Variants in OSBPL5 observed in about 807,000 individuals in gnomAD.
OSBPL5 encodes the protein oxysterol binding protein like 5.
A neutral mutation model predicts 111.2 loss-of-function variants in OSBPL5; 71 were observed. The ratio of observed to expected loss-of-function variants is 0.64; its 90% confidence interval spans 0.53 to 0.78. OSBPL5 has a LOEUF of 0.78. Ranked by LOEUF, OSBPL5 falls within the 30% of genes least tolerant of loss-of-function variation. OSBPL5 has a pLI of 0.00. For synonymous variants in OSBPL5, 549 were observed against 513.9 expected (o/e 1.07, Z -0.93); for missense variants, 1,210 against 1,189.3 (o/e 1.02, Z -0.26).
chr11:3,161,102 A>T lies in OSBPL5; in HGVS notation c.-22+4114T>A, dbSNP rs943885507. On this transcript the variant is annotated intron_variant, in intron 1 of 21. Transcript: ENST00000263650. This position sits in a 1 kb window ranked among gnomAD's most constrained non-coding sequence, Gnocchi z 8.0. Reference sequence around the variant, plus strand: ...GACCAGCTGCCTGCCGAGGTGGGGTATCCCTCAAATCTCCTCCCTGTTTTC... The same window carrying T: ...GACCAGCTGCCTGCCGAGGTGGGGTTTCCCTCAAATCTCCTCCCTGTTTTC... 1 of 152,214 alleles carries T rather than the reference A, an allele frequency of 6.6e-6. No homozygotes were observed. Among genetic ancestry groups the T allele is most frequent in the African/African-American group, 2.4e-5 (1 of 41,456 alleles). 9.4% of individuals were successfully genotyped at this position (152,214 alleles called of 1,614,324 possible). A position where few individuals can be genotyped will look rare whatever the true frequency, so the allele number is the denominator to read the frequency against.
Position 3,122,267 on chromosome 11 carries a change from G to A in OSBPL5, c.300+81C>T, listed in dbSNP as rs1406131713. On this transcript the variant is annotated intron_variant, in intron 4 of 21. Transcript: ENST00000263650. Reference sequence around the variant, plus strand: ...GCGGTTTGTCCCCTCCTTTTGACAGGTGGGGAGGGTGACCTCCCTGGCTCA... The same window carrying A: ...GCGGTTTGTCCCCTCCTTTTGACAGATGGGGAGGGTGACCTCCCTGGCTCA... The A allele has an allele frequency of 7.5e-6, 11 of 1,468,540 alleles. No homozygotes were observed. In the South Asian group the frequency reaches 9.9e-5, roughly 13 times the overall value. 91.0% of individuals were successfully genotyped at this position (1,468,540 alleles called of 1,614,324 possible).
intron 14 of OSBPL5, among the ~76,000 whole-genome samples, chr11:3,097,028 A>AGGAGAG (rs1564824637): frequency 2.0e-3 from 141 of 71,298 alleles, no homozygotes; most frequent in African/African-American, 2.4e-3. Context: ...GAGGGGGAGG[A>AGGAGAG]GAGGAAAGAG....
At chr11:3,147,567 G>A (rs1341869674) in intron 1 of OSBPL5, among the ~76,000 whole-genome samples, 3 of 152,262 alleles carry the variant, frequency 2.0e-5, no homozygotes, top group Non-Finnish European at 4.4e-5. Context: ...CCGGAGTGCC[G>A]TTTGTGAACT....
intron 13 of OSBPL5, 35 bp downstream of exon 13, chr11:3,101,568 G>A: frequency 6.3e-7 from 1 of 1,575,964 alleles, no homozygotes; most frequent in Non-Finnish European, 8.7e-7. Context: ...GCATTTCCCT[G>A]AGGCCCCAGG....
Position 3,102,176 on chromosome 11 carries a change from C to T in OSBPL5, c.1425+7G>A, listed in dbSNP as rs1464716787. 7.6e-6 allele frequency: 12 copies of T among 1,589,210 alleles called. No homozygotes were observed. The highest frequency in any genetic ancestry group is 1.0e-5 in the Non-Finnish European group (12 of 1,168,476). On this transcript the variant is annotated splice_region_variant and intron_variant, in intron 12 of 21. Coordinates refer to ENST00000263650, the MANE Select transcript of OSBPL5 (RefSeq NM_020896.4). ...ACCCAGGCCGGTTGCAGCAGAGGTG[C>T]TCTTGCCTGCTCTGCTATGTAGAAT...
Position 3,104,260 on chromosome 11 carries a change from C to G in OSBPL5, c.1177G>C (p.Val393Leu), listed in dbSNP as rs573910214. The change falls in exon 10 of 22, where the codon GTA becomes CTA. Residue 393 changes from valine to leucine, a missense_variant. By Grantham distance (32) the Val-to-Leu change is conservative (BLOSUM62 1). Coordinates refer to ENST00000263650, the MANE Select transcript of OSBPL5 (RefSeq NM_020896.4). The surrounding 1 kb of genome is among the most constrained non-coding windows in gnomAD (Gnocchi z 5.0). ...DLSRVVLPTF[V>L]LEPRSFLNKL... ...TTCAGGAAGGAGCGCGGCTCCAGTA[C>G]GAACGTGGGTAGCACCACGCGGGAC... is the stretch of plus-strand genomic sequence containing the variant. 1 of 1,613,618 alleles carries G rather than the reference C, an allele frequency of 6.2e-7. No homozygotes were observed. The highest frequency in any genetic ancestry group is 1.7e-5 in the Admixed American group (1 of 60,000).
At chr11:3,120,847 G>C (rs138067175) in intron 5 of OSBPL5, among the ~76,000 whole-genome samples, 1 of 152,222 alleles carries the variant, frequency 6.6e-6, no homozygotes, top group Non-Finnish European at 1.5e-5. Flanking sequence ...GCCAAGCCAC[G>C]GCAAGCGGTG....
chr11:3,100,392 G>T, intron 13 of OSBPL5, 136 bp from the exon 14 acceptor site: 1 of 706,872 alleles, frequency 1.4e-6, no homozygotes, highest in Non-Finnish European at 2.5e-6. Flanking sequence ...GTGTCTGTGC[G>T]TGAGTCACTT....
intron 7 of OSBPL5, among the ~76,000 whole-genome samples, chr11:3,119,013 T>A (rs1212593742): frequency 2.0e-5 from 3 of 150,980 alleles, no homozygotes; most frequent in African/African-American, 4.9e-5. Flanking sequence ...ACAGGTGGTT[T>A]TTTTTTTTTC....
At chr11:3,131,592 CAT>C (rs1858843199) in intron 1 of OSBPL5, among the ~76,000 whole-genome samples, 1 of 5,928 alleles carries the variant, frequency 1.7e-4, no homozygotes, top group Non-Finnish European at 4.8e-4. Flanking sequence ...TCCACCCATT[CAT>C]CCATCCATCC....
At chr11:3,157,004 C>G (rs973027901) in intron 1 of OSBPL5, among the ~76,000 whole-genome samples, 1 of 152,270 alleles carries the variant, frequency 6.6e-6, no homozygotes, top group Non-Finnish European at 1.5e-5. Context: ...CAAGGTCAGA[C>G]GGGCCACTCC....
chr11:3,120,801 G>A (rs1858382552), intron 5 of OSBPL5, among the ~76,000 whole-genome samples, 177 bp from the exon 6 acceptor site: 1 of 152,186 alleles, frequency 6.6e-6, no homozygotes, highest in African/African-American at 2.4e-5. Flanking sequence ...CACTCCCTGG[G>A]GTGATGTCCT....
In OSBPL5 at chr11:3,104,158, G is replaced by A. The variant is rs746402191; in HGVS notation, c.1244+35C>T. On this transcript the variant is annotated intron_variant, in intron 10 of 21. Transcript: ENST00000263650. The surrounding 1 kb of genome is among the most constrained non-coding windows in gnomAD (Gnocchi z 5.0). ...GCAGGGTCTCATGCAGATGCAGGAC[G>A]AGGTGTGGGGTGCCCCTCCCGGCAT... 16 of 1,577,946 alleles carry A rather than the reference G, an allele frequency of 1.0e-5. No homozygotes were observed. Among genetic ancestry groups the A allele is most frequent in the Non-Finnish European group, 1.4e-5 (16 of 1,156,584 alleles).
chr11:3,104,438 G>A lies in OSBPL5; in HGVS notation c.1060-61C>T, dbSNP rs577815632. The A allele has an allele frequency of 7.7e-6, 12 of 1,565,632 alleles. No homozygotes were observed. In the East Asian group the frequency reaches 1.1e-4, roughly 15 times the overall value. ...AAGAGCCGGGAGGAAGGGGTGGCGG[G>A]ACAGTGGCAGCTCTGGCTGGAGGAG... On this transcript the variant is annotated intron_variant, in intron 9 of 21. Coordinates refer to ENST00000263650, the MANE Select transcript of OSBPL5 (RefSeq NM_020896.4). The surrounding 1 kb of genome is among the most constrained non-coding windows in gnomAD (Gnocchi z 5.0).
chr11:3,140,951 G>A lies in OSBPL5; in HGVS notation c.-21-11782C>T, dbSNP rs1459011789. 1.3e-5 allele frequency among the ~76,000 whole-genome samples: 2 copies of A among 150,348 alleles called. No homozygotes were observed. Among genetic ancestry groups the A allele is most frequent in the Admixed American group, 1.3e-4 (2 of 15,140 alleles). ...ACCACCTCAGAGCCACTCCTTCCCC[G>A]ATGCCATCTGTCAAGGGTCAGGGGT... On this transcript the variant is annotated intron_variant, in intron 1 of 21. Transcript: ENST00000263650. This position sits in a 1 kb window ranked among gnomAD's most constrained non-coding sequence, Gnocchi z 4.5.
Position 3,154,077 on chromosome 11 carries a change from G to T in OSBPL5, c.-22+11139C>A, listed in dbSNP as rs140161650. ...CCGGGAAACACATGGCATTCAAACC[G>T]CCGCTGGTGTGTGGCCCCTTATCCA... On this transcript the variant is annotated intron_variant, in intron 1 of 21. Transcript: ENST00000263650. The surrounding 1 kb of genome is among the most constrained non-coding windows in gnomAD (Gnocchi z 4.9). Among the ~76,000 whole-genome samples the T allele has an allele frequency of 1.3e-5, 2 of 152,226 alleles. No homozygotes were observed. The highest frequency in any genetic ancestry group is 2.9e-5 in the Non-Finnish European group (2 of 68,040).
rs1488808156 is a variant in OSBPL5, at chr11:3,107,306, C to A, written c.1016G>T (p.Arg339Ile). 6.2e-7 allele frequency: 1 copy of A among 1,613,746 alleles called. No homozygotes were observed. Among genetic ancestry groups the A allele is most frequent in the Non-Finnish European group, 8.5e-7 (1 of 1,179,960 alleles). The change falls in exon 9 of 22, where the codon AGA becomes ATA. Residue 339 changes from arginine to isoleucine, a missense_variant. Transcript: ENST00000263650. This position sits in a 1 kb window ranked among gnomAD's most constrained non-coding sequence, Gnocchi z 6.1. The part of the protein sequence containing the change: ...QSETPGAPVR[R>I]GTTYVEQVQE... ...GACCTGCTCCACATAGGTGGTCCCT[C>A]TCCGCACCGGGGCCCCAGGGGTCTC...
intron 7 of OSBPL5, among the ~76,000 whole-genome samples, chr11:3,108,832 G>A (rs978940825): frequency 7.7e-4 from 117 of 152,172 alleles, no homozygotes; most frequent in African/African-American, 2.4e-3. Context: ...ACAATGGCAC[G>A]ATCTCAGCTC....
At position 3,121,815 on chromosome 11, in the gene OSBPL5, A is replaced by C; in HGVS notation, c.402+182T>G. On this transcript the variant is annotated intron_variant, in intron 5 of 21. Coordinates refer to ENST00000263650, the MANE Select transcript of OSBPL5 (RefSeq NM_020896.4). This position sits in a 1 kb window ranked among gnomAD's most constrained non-coding sequence, Gnocchi z 4.3. The stretch of plus-strand genomic sequence containing the variant: ...TTCCTACCACTGGTGTCCTTATAAA[A>C]AGGGGGAGAGACAGGTGGATAAGGA... 1 of 611,810 alleles carries C rather than the reference A, an allele frequency of 1.6e-6. No individual in the cohort carries two copies. Among genetic ancestry groups the C allele is most frequent in the East Asian group, 2.8e-5 (1 of 36,088 alleles). The allele number at this position is 611,810 out of a possible 1,614,324, so 37.9% of individuals were successfully genotyped here. A position where few individuals can be genotyped will look rare whatever the true frequency, so the allele number is the denominator to read the frequency against.
Sources: allele counts gnomAD v4.1 joint callset (sites outside exome capture counted in the v4.1 genomes callset), GRCh38; gene constraint gnomAD v4.1.1; non-coding constraint Gnocchi (gnomAD v3.1); transcripts MANE v1.5; gene names NCBI Gene and HGNC (gene_info 2026-07-23, HGNC 2026-07-21).